Variants in MGLL observed in about 807,000 individuals in gnomAD.
MGLL encodes the protein monoglyceride lipase, also known as lysophospholipase homolog.
A neutral mutation model predicts 29.1 loss-of-function variants in MGLL; 7 were observed. The ratio of observed to expected loss-of-function variants is 0.24; its 90% CI spans 0.14 to 0.45. The LOEUF (loss-of-function observed/expected upper bound fraction) is 0.45, where lower values mean the gene tolerates loss of function less well. MGLL is among the 20% of genes least tolerant of loss of function. MGLL has a pLI of 0.99. For missense variants in MGLL, 356 were observed against 413.6 expected (o/e 0.86, Z 1.21); for synonymous variants, 148 against 168.3 (o/e 0.88, Z 0.93).
intron 3 of MGLL, among the ~76,000 whole-genome samples, chr3:127,780,701 C>T (rs113293734): frequency 1.6e-4 from 24 of 152,356 alleles, no homozygotes; most frequent in African/African-American, 5.1e-4. Flanking sequence ...GCAGCTTCTC[C>T]GTACAGATAA....
At chr3:127,701,564 A>T (rs528620850) in intron 6 of MGLL, among the ~76,000 whole-genome samples, 1 of 152,088 alleles carries the variant, frequency 6.6e-6, no homozygotes, top group East Asian at 1.9e-4. Flanking sequence ...ATGGCCTGGG[A>T]CACCTCCATC....
At chr3:127,726,424 GTTTTTTATTT>G (rs1258128236) in intron 3 of MGLL, among the ~76,000 whole-genome samples, 2 of 151,852 alleles carry the variant, frequency 1.3e-5, no homozygotes, top group Non-Finnish European at 2.9e-5. Flanking sequence ...GGATCTAAAG[GTTTTTTATTT>G]TTTTTTATTT....
At chr3:127,745,946 A>AT (rs2076433777) in intron 3 of MGLL, among the ~76,000 whole-genome samples, 1 of 152,220 alleles carries the variant, frequency 6.6e-6, no homozygotes, top group African/African-American at 2.4e-5. Context: ...GGAACTTTAC[A>AT]TTTTTGTGCA....
intron 3 of MGLL, among the ~76,000 whole-genome samples, chr3:127,734,304 C>G (rs694605): frequency 0.15 from 22,649 of 152,116 alleles, 2,583 homozygotes; most frequent in East Asian, 0.45. Flanking sequence ...GGAATGCCAG[C>G]GAGGCCGGCC....
At chr3:127,727,909 G>A (rs921053892) in intron 3 of MGLL, among the ~76,000 whole-genome samples, 4 of 152,096 alleles carry the variant, frequency 2.6e-5, no homozygotes, top group Non-Finnish European at 5.9e-5. Context: ...CAAGAAGCTA[G>A]AATTGCTTTG....
chr3:127,728,871 G>A (rs2076094902), intron 3 of MGLL, among the ~76,000 whole-genome samples: 2 of 152,114 alleles, frequency 1.3e-5, no homozygotes, highest in Non-Finnish European at 1.5e-5. Flanking sequence ...CTTTCTCTTG[G>A]CATGACCAGC....
In MGLL at chr3:127,806,665, A is replaced by G. The variant is rs547213806; in HGVS notation, c.155+15029T>C. Among the ~76,000 whole-genome samples the G allele has an allele frequency of 2.0e-5, 3 of 152,040 alleles. No individual in the cohort carries two copies. The East Asian group carries it at 5.8e-4, about 29-fold the overall frequency. ...GATGAATGGATGTATGGATGGGTAG[A>G]TGGGTAAATGGATGAATGGGTGAGT... On this transcript the variant is annotated intron_variant, in intron 2 of 7. Coordinates refer to ENST00000265052, the MANE Select transcript of MGLL (RefSeq NM_007283.7).
Position 127,725,431 on chromosome 3 carries a change from C to T in MGLL, c.263-2865G>A, listed in dbSNP as rs867071750. Among the ~76,000 whole-genome samples, 21 of 152,312 alleles carry T rather than the reference C, an allele frequency of 1.4e-4. 1 individual carries two copies. Among genetic ancestry groups the T allele is most frequent in the South Asian group, 2.1e-4 (1 of 4,826 alleles). ...CCCACTTCCTCCCATCCACCCGATT[C>T]CCTATCTTCCCCTAAACTCTTCTCT... is the stretch of plus-strand genomic sequence containing the variant. On this transcript the variant is annotated intron_variant, in intron 3 of 7. Transcript: ENST00000265052.
At position 127,744,115 on chromosome 3, in the gene MGLL, G is replaced by A. The variant is rs6784225; in HGVS notation, c.263-21549C>T. ...CATATGGGCTCTGGAAACACATTTC[G>A]ACTCAGAATTTTTTTTTAAGCTGTT... On this transcript the variant is annotated intron_variant, in intron 3 of 7. Transcript: ENST00000265052. 7.8e-3 allele frequency among the ~76,000 whole-genome samples: 1,180 copies of A among 152,206 alleles called. 9 individuals are homozygous for A. Among genetic ancestry groups the A allele is most frequent in the African/African-American group, 0.026 (1,081 of 41,526 alleles).
chr3:127,768,464 G>A (rs1244732083), intron 3 of MGLL, among the ~76,000 whole-genome samples: 2 of 152,214 alleles, frequency 1.3e-5, no homozygotes, highest in Non-Finnish European at 2.9e-5. Flanking sequence ...TCCTGTGCCA[G>A]TTGCTTCTGT....
intron 3 of MGLL, among the ~76,000 whole-genome samples, chr3:127,738,303 TAA>T (rs34420386): frequency 1.3e-4 from 18 of 141,148 alleles, no homozygotes; most frequent in African/African-American, 2.1e-4. Flanking sequence ...TCTGTCTCTT[TAA>T]AAAAAAAAAA....
intron 3 of MGLL, among the ~76,000 whole-genome samples, chr3:127,728,273 T>A (rs1273634688): frequency 6.6e-6 from 1 of 152,200 alleles, no homozygotes; most frequent in Non-Finnish European, 1.5e-5. Flanking sequence ...CCTCTAAGCA[T>A]TTCTTTTTGC....
intron 2 of MGLL, among the ~76,000 whole-genome samples, chr3:127,802,367 G>A (rs1181456985): frequency 6.6e-6 from 1 of 152,082 alleles, no homozygotes; most frequent in East Asian, 1.9e-4. Context: ...TGGTGCCCAG[G>A]TGCAATAACA....
intron 3 of MGLL, among the ~76,000 whole-genome samples, chr3:127,755,932 T>A (rs139689288): frequency 6.6e-6 from 1 of 152,202 alleles, no homozygotes; most frequent in African/African-American, 2.4e-5. Flanking sequence ...AGACTGGCAA[T>A]GTGCTTGGGC....
At chr3:127,721,854 A>G (rs946850885) in intron 4 of MGLL, among the ~76,000 whole-genome samples, 2 of 129,534 alleles carry the variant, frequency 1.5e-5, no homozygotes, top group Non-Finnish European at 3.8e-5. Flanking sequence ...TCAGCCAACC[A>G]GCCTGCTTTG....
intron 3 of MGLL, among the ~76,000 whole-genome samples, chr3:127,737,452 C>T (rs1006171150): frequency 2.7e-5 from 4 of 150,038 alleles, no homozygotes; most frequent in Admixed American, 6.7e-5. Flanking sequence ...TAGCACAGAG[C>T]GGGGCACACA....
intron 6 of MGLL, among the ~76,000 whole-genome samples, chr3:127,703,067 G>C (rs190306443): frequency 6.6e-6 from 1 of 152,334 alleles, no homozygotes; most frequent in East Asian, 1.9e-4. Flanking sequence ...CAAATGGGGA[G>C]AGCTGTTTGC....
chr3:127,701,594 C>A (rs1318926940), intron 6 of MGLL, among the ~76,000 whole-genome samples: 1 of 152,154 alleles, frequency 6.6e-6, no homozygotes, highest in Non-Finnish European at 1.5e-5. Context: ...CCTTAACACT[C>A]CCCACTCCCC....
At chr3:127,814,998 T>A (rs1032311355) in intron 2 of MGLL, among the ~76,000 whole-genome samples, 1 of 152,248 alleles carries the variant, frequency 6.6e-6, no homozygotes, top group Non-Finnish European at 1.5e-5. Flanking sequence ...GTAGGGCCCA[T>A]TTTCTCAGAG....
Sources: gnomAD v4.1 joint callset for allele counts (sites outside exome capture counted in the v4.1 genomes callset) on GRCh38, gnomAD v4.1.1 for gene constraint, MANE v1.5 for transcripts, NCBI Gene and HGNC (gene_info 2026-07-23, HGNC 2026-07-21) for gene names.